The following PTPRM variants were observed in gnomAD, a reference collection of about 807,000 sequenced individuals.
PTPRM encodes the protein protein tyrosine phosphatase receptor type M, also known as receptor-type tyrosine-protein phosphatase mu.
PTPRM carries 47 observed loss-of-function variants against 186.7 expected under a neutral mutation model. That is an observed-to-expected ratio of 0.25 (90% CI 0.20 to 0.32). The LOEUF is 0.32. PTPRM is among the 10% of genes least tolerant of loss of function. The probability of loss-of-function intolerance (pLI) is 1.00; values close to 1 mark genes in which losing one functional copy is unlikely to be tolerated. For missense variants in PTPRM, 1,494 were observed against 1,865.0 expected (o/e 0.80, Z 3.66); for synonymous variants, 668 against 674.9 (o/e 0.99, Z 0.16).
intron 23 of PTPRM, among the ~76,000 whole-genome samples, chr18:8,349,001 A>G (rs2095520241): frequency 6.6e-6 from 1 of 152,232 alleles, no homozygotes; most frequent in Non-Finnish European, 1.5e-5. Context: ...TTTCCACCCA[A>G]GGAGCCTGCC....
intron 7 of PTPRM, among the ~76,000 whole-genome samples, chr18:8,046,941 A>G (rs920268864): frequency 1.3e-5 from 2 of 152,200 alleles, no homozygotes; most frequent in Non-Finnish European, 1.5e-5. Flanking sequence ...TACTCTTGCA[A>G]CAAGGTATTA....
intron 19 of PTPRM, among the ~76,000 whole-genome samples, chr18:8,270,954 T>C (rs1287382594): frequency 6.6e-6 from 1 of 152,150 alleles, no homozygotes; most frequent in Non-Finnish European, 1.5e-5. Flanking sequence ...TAGTTAATTA[T>C]ACTTATTACA....
chr18:7,579,479 A>T (rs1037714623), intron 1 of PTPRM, among the ~76,000 whole-genome samples: 1 of 152,248 alleles, frequency 6.6e-6, no homozygotes, highest in South Asian at 2.1e-4. Flanking sequence ...AGCAAACTAT[A>T]ATTGGCCAGA....
chr18:8,289,541 T>TATATATACAC (rs1568674720), intron 19 of PTPRM, among the ~76,000 whole-genome samples: 1 of 81,230 alleles, frequency 1.2e-5, no homozygotes, highest in Non-Finnish European at 2.4e-5. Context: ...TATACACATA[T>TATATATACAC]ATATATATAC....
intron 1 of PTPRM, among the ~76,000 whole-genome samples, chr18:7,748,888 A>G (rs1273289561): frequency 1.3e-5 from 2 of 152,160 alleles, no homozygotes; most frequent in East Asian, 1.9e-4. Flanking sequence ...TTAACCACCA[A>G]TGTTGACTAC....
At chr18:8,263,520 C>A (rs2094659307) in intron 19 of PTPRM, among the ~76,000 whole-genome samples, 1 of 152,082 alleles carries the variant, frequency 6.6e-6, no homozygotes, top group African/African-American at 2.4e-5. Context: ...GCTCTTAAAA[C>A]CCTTGGGATT....
Position 7,862,132 on chromosome 18 carries a change from CAT to C in PTPRM, c.197-25972_197-25971del, listed in dbSNP as rs780643009. On this transcript the variant is annotated intron_variant, in intron 2 of 32. Transcript: ENST00000580170. Reference sequence around the variant, plus strand: ...CAAAATGATATGCATAAATGCATAACATAAAATTTATAAGATTATAGTGAAAT... The same window carrying C: ...CAAAATGATATGCATAAATGCATAACAAAATTTATAAGATTATAGTGAAAT... 2.0e-5 allele frequency among the ~76,000 whole-genome samples: 3 copies of C among 152,120 alleles called. No homozygotes were observed. In the East Asian group the frequency reaches 5.8e-4, roughly 29 times the overall value.
chr18:8,208,832 G>A (rs8094072), intron 14 of PTPRM, among the ~76,000 whole-genome samples: 76,321 of 152,064 alleles, frequency 0.5, 19,745 homozygotes, highest in Middle Eastern at 0.67. Flanking sequence ...TTTTGAGCAC[G>A]TGATTCATAA....
At chr18:7,699,350 A>T (rs1180826981) in intron 1 of PTPRM, among the ~76,000 whole-genome samples, 1 of 152,178 alleles carries the variant, frequency 6.6e-6, no homozygotes, top group Non-Finnish European at 1.5e-5. Context: ...TCTACTTGCT[A>T]GGTTGCATTT....
intron 7 of PTPRM, among the ~76,000 whole-genome samples, chr18:8,006,063 T>G (rs965708933): frequency 6.6e-6 from 1 of 152,136 alleles, no homozygotes; most frequent in Non-Finnish European, 1.5e-5. Context: ...GGAGCCCTTG[T>G]GAGGGTTTGT....
chr18:7,896,138 T>C (rs1380146295), intron 3 of PTPRM, among the ~76,000 whole-genome samples: 1 of 152,198 alleles, frequency 6.6e-6, no homozygotes, highest in East Asian at 1.9e-4. Flanking sequence ...CCTCCTATGG[T>C]TGGGAAGCAG....
At chr18:8,396,618 A>G (rs1598603819) in intron 32 of PTPRM, among the ~76,000 whole-genome samples, 2 of 152,316 alleles carry the variant, frequency 1.3e-5, no homozygotes. Flanking sequence ...CCACGATTCT[A>G]TCGTAACTTA....
intron 1 of PTPRM, among the ~76,000 whole-genome samples, chr18:7,588,524 A>T (rs2037040560): frequency 6.6e-6 from 1 of 152,204 alleles, no homozygotes; most frequent in African/African-American, 2.4e-5. Context: ...TTGTATAATT[A>T]GAAAAATTTG....
At chr18:8,227,719 T>C (rs763524880) in intron 14 of PTPRM, among the ~76,000 whole-genome samples, 13 of 152,352 alleles carry the variant, frequency 8.5e-5, no homozygotes, top group South Asian at 2.1e-4. Context: ...TTCTCACTTA[T>C]ATTTATAGTC....
chr18:8,093,077 C>G (rs2090833674), intron 11 of PTPRM, among the ~76,000 whole-genome samples: 1 of 151,358 alleles, frequency 6.6e-6, no homozygotes, highest in Non-Finnish European at 1.5e-5. Flanking sequence ...TGTTGGCATA[C>G]AAATGGTTAT....
chr18:8,404,025 G>A (rs1025976579), intron 32 of PTPRM: 1 of 152,176 alleles, frequency 6.6e-6, no homozygotes, highest in African/African-American at 2.4e-5. Context: ...TGTTTACAGA[G>A]TTTTTGTGTA....
chr18:8,240,799 A>G lies in PTPRM; in HGVS notation c.2301-3259A>G, dbSNP rs920093281. 5.5e-5 allele frequency among the ~76,000 whole-genome samples: 3 copies of G among 54,666 alleles called. 1 individual carries two copies. Among genetic ancestry groups the G allele is most frequent in the African/African-American group, 3.7e-4 (3 of 8,132 alleles). 35.9% of individuals were successfully genotyped at this position (54,666 alleles called of 152,430 possible). Reference sequence around the variant, plus strand: ...GAGGGAGAGAGAGAGAGAGAGAGAGAGAGAGAGAGAGAGAGAGAGAGAGAG... The same window carrying G: ...GAGGGAGAGAGAGAGAGAGAGAGAGGGAGAGAGAGAGAGAGAGAGAGAGAG... On this transcript the variant is annotated intron_variant, in intron 14 of 32. Transcript: ENST00000580170.
intron 14 of PTPRM, among the ~76,000 whole-genome samples, chr18:8,243,015 AACC>A (rs2094445836): frequency 6.6e-6 from 1 of 152,190 alleles, no homozygotes; most frequent in East Asian, 1.9e-4. Flanking sequence ...GGTGTTCTTA[AACC>A]TTCTCACTGT....
At chr18:7,999,842 C>T (rs2083762727) in intron 7 of PTPRM, among the ~76,000 whole-genome samples, 1 of 151,980 alleles carries the variant, frequency 6.6e-6, no homozygotes, top group African/African-American at 2.4e-5. Flanking sequence ...AAGGAATTGG[C>T]CCACATGTAT....
Sources: allele counts gnomAD v4.1 joint callset (sites outside exome capture counted in the v4.1 genomes callset), GRCh38; gene constraint gnomAD v4.1.1; transcripts MANE v1.5; gene names NCBI Gene and HGNC (gene_info 2026-07-23, HGNC 2026-07-21).